TENM1: variants seen among roughly 807,000 people sequenced by gnomAD.
TENM1 encodes teneurin transmembrane protein 1.
A neutral mutation model predicts 174.8 loss-of-function variants in TENM1; 35 were observed. The observed-to-expected ratio is 0.20, with a 90% CI of 0.15 to 0.27. The LOEUF (loss-of-function observed/expected upper bound fraction) is 0.27. Ranked by LOEUF, TENM1 falls within the 10% of genes least tolerant of loss-of-function variation. The pLI is 1.00. For synonymous variants in TENM1, 781 were observed against 798.7 expected (o/e 0.98, Z 0.37); for missense variants, 1,633 against 2,130.1 (o/e 0.77, Z 4.59).
the TENM1 span, among the ~76,000 whole-genome samples, chrX:125,144,457 G>T: frequency 9.0e-6 from 1 of 111,551 alleles, no homozygotes; most frequent in East Asian, 2.8e-4. Flanking sequence ...TGATGAGGGA[G>T]TATGGCAAAG....
In TENM1 at chrX:124,712,368, CT is replaced by C. The variant is rs1289466456; in HGVS notation, c.777-7118del. On this transcript the variant is annotated intron_variant, in intron 4 of 31. Transcript: ENST00000422452. ...ACCAATACTTGTAATTTTCCTTCTT[CT>C]TTTTTTTTAATAGTAATGATTCTCA... Among the ~76,000 whole-genome samples, 38 of 107,402 alleles carry C rather than the reference CT, an allele frequency of 3.5e-4. No homozygotes were observed. In the East Asian group the frequency reaches 0.01, roughly 29 times the overall value. 93.3% of individuals were successfully genotyped at this position (107,402 alleles called of 115,157 possible). A position where few individuals can be genotyped will look rare whatever the true frequency, so the allele number is the denominator to read the frequency against.
At chrX:124,865,104 G>C (rs1172891392) in intron 3 of TENM1, among the ~76,000 whole-genome samples, 2 of 111,719 alleles carry the variant, frequency 1.8e-5, no homozygotes, top group Non-Finnish European at 3.8e-5. Context: ...TGTTCTACAA[G>C]AAATGCTAAA....
chrX:124,392,175 C>T (rs1299717181), exon 28 of TENM1: 13 of 1,209,276 alleles, frequency 1.1e-5, no homozygotes, highest in Admixed American at 2.2e-5. Flanking sequence ...TCACCAATCC[C>T]GAAGGTGAAT....
At chrX:124,615,405 G>A (rs920260254) in intron 11 of TENM1, among the ~76,000 whole-genome samples, 2 of 111,892 alleles carry the variant, frequency 1.8e-5, no homozygotes, top group East Asian at 5.6e-4. Context: ...GGAAATTTGA[G>A]CAAATCACTT....
At chrX:124,534,655 G>A (rs996013448) in intron 15 of TENM1, among the ~76,000 whole-genome samples, 1 of 111,912 alleles carries the variant, frequency 8.9e-6, no homozygotes. Flanking sequence ...GACCTAGCCA[G>A]CAGGGGATCT....
chrX:124,963,514 A>G (rs770297721), intron 1 of TENM1, 23 bp downstream of exon 4: 1 of 1,133,431 alleles, frequency 8.8e-7, no homozygotes, highest in South Asian at 1.9e-5. Flanking sequence ...AATATTTGTT[A>G]TAAAGATCCA....
intron 18 of TENM1, among the ~76,000 whole-genome samples, chrX:124,505,504 C>T (rs2047427440): frequency 9.0e-6 from 1 of 111,406 alleles, no homozygotes; most frequent in Non-Finnish European, 1.9e-5. Flanking sequence ...CTTGCTAAAA[C>T]AACTCTGGTA....
chrX:124,537,088 T>C (rs1042305688), intron 15 of TENM1, among the ~76,000 whole-genome samples: 23 of 111,362 alleles, frequency 2.1e-4, no homozygotes, highest in African/African-American at 7.5e-4. Flanking sequence ...ACCACCATTG[T>C]TGACTTTTCC....
chrX:124,480,992 T>G (rs771115056), intron 22 of TENM1, among the ~76,000 whole-genome samples: 1 of 111,368 alleles, frequency 9.0e-6, no homozygotes, highest in African/African-American at 3.3e-5. Context: ...AATCCAGAAG[T>G]TAATTGGGAG....
intron 6 of TENM1, among the ~76,000 whole-genome samples, chrX:124,664,532 G>GAAAAAAA (rs779501054): frequency 5.4e-3 from 158 of 29,260 alleles, no homozygotes; most frequent in Non-Finnish European, 6.5e-3. Context: ...TAAAGCAAAA[G>GAAAAAAA]AAAAAAAAAA....
chrX:124,901,481 TTTTG>T (rs1406108314), intron 1 of TENM1, among the ~76,000 whole-genome samples: 1 of 111,093 alleles, frequency 9.0e-6, no homozygotes, highest in Non-Finnish European at 1.9e-5. Context: ...CTGTGTTTTG[TTTTG>T]TTTGTTTGAG....
At chrX:125,175,467 C>T in the TENM1 span, among the ~76,000 whole-genome samples, 1 of 111,477 alleles carries the variant, frequency 9.0e-6, no homozygotes, top group Admixed American at 9.6e-5. Context: ...AAGTAACTAT[C>T]AGTGCATGCT....
the TENM1 span, among the ~76,000 whole-genome samples, chrX:125,160,161 A>G: frequency 2.9e-5 from 3 of 103,216 alleles, no homozygotes; most frequent in Admixed American, 3.2e-4. Flanking sequence ...GATCACCACT[A>G]CTGCACTCTA....
chrX:124,568,611 A>C (rs1025344067), intron 11 of TENM1, among the ~76,000 whole-genome samples: 38 of 111,754 alleles, frequency 3.4e-4, no homozygotes, highest in African/African-American at 1.2e-3. Context: ...TTCTGTTTCT[A>C]GTAATAGGGA....
At chrX:124,657,912 C>G (rs148981225) in intron 6 of TENM1, among the ~76,000 whole-genome samples, 129 of 112,430 alleles carry the variant, frequency 1.1e-3, no homozygotes, top group African/African-American at 3.9e-3. Flanking sequence ...CACCCTATAA[C>G]ATGCTCAAAA....
At position 124,472,405 on chromosome X, in the gene TENM1, A is replaced by C. The variant is rs1264837523; in HGVS notation, c.3949+9327T>G. On this transcript the variant is annotated intron_variant, in intron 22 of 31. Coordinates refer to ENST00000422452, the Ensembl canonical transcript of TENM1. Reference sequence around the variant, plus strand: ...TGGGTTTTTTTTTTTTTTTCCCAACAAAAAAACCCAGAAGCTGTCTTTATG... The same window carrying C: ...TGGGTTTTTTTTTTTTTTTCCCAACCAAAAAACCCAGAAGCTGTCTTTATG... 4.8e-5 allele frequency among the ~76,000 whole-genome samples: 5 copies of C among 104,446 alleles called. No homozygotes were observed. In the East Asian group the frequency reaches 1.5e-3, roughly 31 times the overall value. The allele number at this position is 104,446 out of a possible 115,157, so 90.7% of individuals were successfully genotyped here. A position where few individuals can be genotyped will look rare whatever the true frequency, so the allele number is the denominator to read the frequency against.
chrX:124,651,414 C>CA (rs2051306457), intron 8 of TENM1, among the ~76,000 whole-genome samples: 1 of 111,827 alleles, frequency 8.9e-6, no homozygotes, highest in African/African-American at 3.2e-5. Flanking sequence ...TTGAATGTCT[C>CA]AAGTTATTAT....
chrX:124,436,332 G>T (rs1200746615), intron 23 of TENM1, among the ~76,000 whole-genome samples: 2 of 110,813 alleles, frequency 1.8e-5, no homozygotes, highest in African/African-American at 6.6e-5. Flanking sequence ...AGGGAGAAGG[G>T]ACTTGATCCT....
intron 1 of TENM1, among the ~76,000 whole-genome samples, chrX:124,909,105 C>T (rs112261018): frequency 2.1e-4 from 23 of 112,148 alleles, no homozygotes; most frequent in African/African-American, 7.1e-4. Context: ...GTGATATGCC[C>T]GCCTCGGCCT....
Sources: gnomAD v4.1 joint callset for allele counts (sites outside exome capture counted in the v4.1 genomes callset) on GRCh38, gnomAD v4.1.1 for gene constraint, MANE v1.5 for transcripts, NCBI Gene and HGNC (gene_info 2026-07-23, HGNC 2026-07-21) for gene names.